METTL8: variants seen among roughly 807,000 people sequenced by gnomAD.
METTL8 encodes tRNA N(3)-cytidine methyltransferase METTL8, mitochondrial.
Under a neutral mutation model 48.7 loss-of-function variants are expected in METTL8, and 32 were observed. The ratio of observed to expected loss-of-function variants is 0.66; its 90% CI spans 0.50 to 0.88. The LOEUF (loss-of-function observed/expected upper bound fraction) is 0.88, where lower values mean the gene tolerates loss of function less well. Among genes scored for constraint, METTL8 ranks in the 40% least tolerant of loss-of-function variants. The pLI, the probability that METTL8 is intolerant of heterozygous loss-of-function variation, is 0.00. For missense variants in METTL8, 464 were observed against 474.4 expected (o/e 0.98, Z 0.20); for synonymous variants, 136 against 157.1 (o/e 0.87, Z 1.01).
At chr2:171,377,867 C>T (rs1687130571) in intron 2 of METTL8, among the ~76,000 whole-genome samples, 1 of 152,166 alleles carries the variant, frequency 6.6e-6, no homozygotes, top group Admixed American at 6.5e-5. Flanking sequence ...ATCCAGCAAT[C>T]CCATTACTGG....
chr2:171,402,074 G>C (rs1689701771), intron 1 of METTL8, among the ~76,000 whole-genome samples: 1 of 152,120 alleles, frequency 6.6e-6, no homozygotes, highest in Non-Finnish European at 1.5e-5. Flanking sequence ...AGGAATGAAA[G>C]ATTAAGTCTA....
chr2:171,330,751 A>ATTT, intron 6 of METTL8, 53 bp from the exon 7 acceptor site: 4 of 1,196,354 alleles, frequency 3.3e-6, no homozygotes, highest in Non-Finnish European at 4.5e-6. Flanking sequence ...GACTTCCGGG[A>ATTT]TTTTTTTTTT....
chr2:171,347,074 C>A (rs1427909100), intron 3 of METTL8, among the ~76,000 whole-genome samples: 1 of 152,208 alleles, frequency 6.6e-6, no homozygotes, highest in South Asian at 2.1e-4. Flanking sequence ...GGTCCCCTGA[C>A]AGGTATAAAG....
chr2:171,356,033 C>CA (rs1684500751), intron 3 of METTL8, among the ~76,000 whole-genome samples: 1 of 152,224 alleles, frequency 6.6e-6, no homozygotes, highest in South Asian at 2.1e-4. Flanking sequence ...GTTGGAAATG[C>CA]AGAAATCACC....
intron 3 of METTL8, among the ~76,000 whole-genome samples, chr2:171,350,630 T>A (rs1052374601): frequency 6.6e-6 from 1 of 152,182 alleles, no homozygotes; most frequent in African/African-American, 2.4e-5. Flanking sequence ...ACCTGCTGTT[T>A]CCTGACTTTT....
At chr2:171,363,047 A>T (rs1685325387) in intron 2 of METTL8, among the ~76,000 whole-genome samples, 1 of 152,200 alleles carries the variant, frequency 6.6e-6, no homozygotes, top group Non-Finnish European at 1.5e-5. Context: ...CAGTAAGAGT[A>T]TATGTGGTCT....
chr2:171,326,429 C>T (rs1271270251), intron 7 of METTL8: 1 of 329,246 alleles, frequency 3.0e-6, no homozygotes. Flanking sequence ...CAAAGCTAAA[C>T]TTCAAAACCA....
intron 2 of METTL8, among the ~76,000 whole-genome samples, chr2:171,373,374 A>G (rs953126493): frequency 1.3e-5 from 2 of 152,026 alleles, no homozygotes; most frequent in Non-Finnish European, 2.9e-5. Context: ...TAGATTCTGG[A>G]TATTAGCCCT....
intron 5 of METTL8, among the ~76,000 whole-genome samples, chr2:171,335,796 A>G (rs1575741918): frequency 6.6e-6 from 1 of 152,324 alleles, no homozygotes; most frequent in South Asian, 2.1e-4. Context: ...ATAAAGACTG[A>G]AAGGAATTAA....
At chr2:171,333,198 A>C (rs1049198485) in intron 5 of METTL8, among the ~76,000 whole-genome samples, 2 of 151,270 alleles carry the variant, frequency 1.3e-5, no homozygotes, top group Non-Finnish European at 2.9e-5. Flanking sequence ...TCCTGGGTTC[A>C]AGCAATTCTC....
chr2:171,433,469 T>TA (rs1161370486), intron 1 of METTL8, among the ~76,000 whole-genome samples: 3 of 152,138 alleles, frequency 2.0e-5, no homozygotes, highest in Non-Finnish European at 4.4e-5. Context: ...GCCCCACCCT[T>TA]AAGGGACTTA....
At chr2:171,346,979 G>A (rs534642410) in intron 3 of METTL8, among the ~76,000 whole-genome samples, 20 of 152,162 alleles carry the variant, frequency 1.3e-4, no homozygotes, top group Non-Finnish European at 2.5e-4. Context: ...ACCACCCTCC[G>A]GGTAGCCTCA....
intron 7 of METTL8, chr2:171,326,854 T>C (rs982624517): frequency 6.6e-6 from 1 of 152,226 alleles, no homozygotes; most frequent in African/African-American, 2.4e-5. Flanking sequence ...CCTTCCTGCA[T>C]GTTATCGATG....
chr2:171,415,465 C>T (rs1691220989), intron 1 of METTL8, among the ~76,000 whole-genome samples: 1 of 149,530 alleles, frequency 6.7e-6, no homozygotes, highest in Non-Finnish European at 1.5e-5. Context: ...CAATTCTCTG[C>T]CTCAGCCTCC....
In METTL8 at chr2:171,316,049, C is replaced by A. The variant is rs148731282; in HGVS notation, c.*8123G>T. Among the ~76,000 whole-genome samples the A allele has an allele frequency of 1.3e-5, 2 of 152,194 alleles. No homozygotes were observed. Among genetic ancestry groups the A allele is most frequent in the Non-Finnish European group, 2.9e-5 (2 of 68,038 alleles). ...CAGCAAAGAGGTAATTCTTTATTCT[C>A]GAGAGCTTCCTCGTGCACATGATCA... On this transcript the variant is annotated 3_prime_UTR_variant, in exon 10 of 10. Transcript: ENST00000375258.
At chr2:171,371,197 A>G (rs1195538509) in intron 2 of METTL8, among the ~76,000 whole-genome samples, 1 of 152,220 alleles carries the variant, frequency 6.6e-6, no homozygotes, top group Non-Finnish European at 1.5e-5. Context: ...TAGGCATATC[A>G]GCTAATAACT....
At position 171,322,606 on chromosome 2, in the gene METTL8, T is replaced by C. The variant is rs1575698788; in HGVS notation, c.*1566A>G. On this transcript the variant is annotated 3_prime_UTR_variant, in exon 10 of 10. Coordinates refer to ENST00000375258, the MANE Select transcript of METTL8 (RefSeq NM_001321154.2). The stretch of plus-strand genomic sequence containing the variant: ...AAAAAAAAAAAAAATTAGCTGGGCA[T>C]GGTGGTGGGTGCTTGTAGTCCCAGC... The C allele has an allele frequency of 6.7e-6, 1 of 150,160 alleles. No individual in the cohort carries two copies. Among genetic ancestry groups the C allele is most frequent in the African/African-American group, 2.4e-5 (1 of 40,902 alleles). The allele number at this position is 150,160 out of a possible 1,614,324, so 9.3% of individuals were successfully genotyped here.
At chr2:171,334,125 A>T (rs1685836579) in intron 5 of METTL8, among the ~76,000 whole-genome samples, 1 of 152,168 alleles carries the variant, frequency 6.6e-6, no homozygotes, top group African/African-American at 2.4e-5. Context: ...AAAAACTTCC[A>T]TATAGTTCAA....
intron 2 of METTL8, among the ~76,000 whole-genome samples, chr2:171,377,063 T>G (rs560951496): frequency 6.6e-6 from 1 of 152,206 alleles, no homozygotes; most frequent in Admixed American, 6.5e-5. Context: ...CCAACTAATC[T>G]TCAACAAAAC....
Sources: allele counts gnomAD v4.1 joint callset (sites outside exome capture counted in the v4.1 genomes callset), GRCh38; gene constraint gnomAD v4.1.1; transcripts MANE v1.5; gene names NCBI Gene and HGNC (gene_info 2026-07-23, HGNC 2026-07-21).